Variants in ERO1A observed in about 807,000 individuals in gnomAD.
ERO1A encodes the protein endoplasmic reticulum oxidoreductase 1 alpha.
ERO1A carries 49 observed loss-of-function variants against 76.9 expected under a neutral mutation model. The ratio of observed to expected loss-of-function variants is 0.64; its 90% CI spans 0.51 to 0.81. The LOEUF (loss-of-function observed/expected upper bound fraction) is 0.81, where lower values mean the gene tolerates loss of function less well. Among genes scored for constraint, ERO1A ranks in the 30% least tolerant of loss-of-function variants. ERO1A has a pLI of 0.00. For missense variants in ERO1A, 448 were observed against 542.1 expected (o/e 0.83, Z 1.72); for synonymous variants, 174 against 181.2 (o/e 0.96, Z 0.32).
chr14:52,644,800 G>A (rs2039588842), intron 15 of ERO1A, among the ~76,000 whole-genome samples: 1 of 151,882 alleles, frequency 6.6e-6, no homozygotes. Flanking sequence ...TATTTTAAGT[G>A]CACTTAGCTC....
intron 1 of ERO1A, among the ~76,000 whole-genome samples, chr14:52,694,799 G>A (rs1489384200): frequency 6.6e-6 from 1 of 152,052 alleles, no homozygotes; most frequent in Non-Finnish European, 1.5e-5. Context: ...CATTACATTC[G>A]AGAAAAAGAG....
Position 52,657,960 on chromosome 14 carries a change from AT to A in ERO1A, c.764del (p.His255LeufsTer8). ...RAFYRLISGL[H>X]ASINVHLSAR... ...CACTCAAATGCACATTAATGCTTGC[AT>A]GTAGGCCAGATATAAGTCTGTAGAA... On this transcript the variant is annotated frameshift_variant, in exon 11 of 16. Coordinates refer to ENST00000395686, the MANE Select transcript of ERO1A (RefSeq NM_014584.3). LOFTEE classifies it high-confidence loss of function. The A allele has an allele frequency of 6.2e-7, 1 of 1,612,740 alleles. No homozygotes were observed.
At chr14:52,669,137 A>G (rs2040512718) in intron 6 of ERO1A, among the ~76,000 whole-genome samples, 1 of 152,166 alleles carries the variant, frequency 6.6e-6, no homozygotes, top group African/African-American at 2.4e-5. Context: ...TTCACGTACC[A>G]TTTACATCCA....
intron 15 of ERO1A, among the ~76,000 whole-genome samples, chr14:52,645,074 G>A (rs925759112): frequency 1.1e-4 from 16 of 151,978 alleles, no homozygotes; most frequent in African/African-American, 3.9e-4. Context: ...CATTTTGATA[G>A]GAAATAATTA....
chr14:52,680,192 A>G (rs914582297), intron 3 of ERO1A, among the ~76,000 whole-genome samples: 4 of 151,504 alleles, frequency 2.6e-5, no homozygotes, highest in African/African-American at 4.9e-5. Flanking sequence ...TCAATATTTC[A>G]GTGCAAATTG....
rs188752277 is a variant in ERO1A at position 52,659,817 on chromosome 14, G to A, written c.688+1476C>T. Among the ~76,000 whole-genome samples, 202 of 148,338 alleles carry A rather than the reference G, an allele frequency of 1.4e-3. 1 individual carries two copies. Among genetic ancestry groups the A allele is most frequent in the Non-Finnish European group, 1.8e-3 (124 of 67,316 alleles). ...TCAGTGTTTGTGTGTGTGTGTGTGTGTCTGTGTGTCCTTTTTAAAAAAAAA... is the reference window on the plus strand; with the variant it reads ...TCAGTGTTTGTGTGTGTGTGTGTGTATCTGTGTGTCCTTTTTAAAAAAAAA... On this transcript the variant is annotated intron_variant, in intron 9 of 15. Coordinates refer to ENST00000395686, the MANE Select transcript of ERO1A (RefSeq NM_014584.3).
intron 13 of ERO1A, among the ~76,000 whole-genome samples, chr14:52,651,470 T>A (rs1004977177): frequency 1.6e-5 from 2 of 122,212 alleles, no homozygotes; most frequent in Non-Finnish European, 3.7e-5. Context: ...ATCATCAATG[T>A]GAAAGGCATC....
chr14:52,694,296 A>G (rs577098732), intron 1 of ERO1A, among the ~76,000 whole-genome samples: 70 of 152,304 alleles, frequency 4.6e-4, no homozygotes, highest in African/African-American at 1.5e-3. Flanking sequence ...TCTCAGTTGT[A>G]AAGTAGCAAT....
intron 3 of ERO1A, among the ~76,000 whole-genome samples, chr14:52,681,936 T>C (rs911231303): frequency 3.3e-5 from 5 of 152,208 alleles, no homozygotes; most frequent in African/African-American, 4.8e-5. Context: ...ATCTCCCTAA[T>C]AAGTCAAAGG....
At chr14:52,685,842 A>G (rs376589039) in intron 1 of ERO1A, among the ~76,000 whole-genome samples, 25 of 152,334 alleles carry the variant, frequency 1.6e-4, no homozygotes, top group African/African-American at 6.0e-4. Flanking sequence ...TGTACCTCAC[A>G]GCAGTGAATT....
rs1566638696 is a variant in ERO1A, at chr14:52,661,276, T to C, written c.688+17A>G. On this transcript the variant is annotated intron_variant, in intron 9 of 15. Transcript: ENST00000395686. Reference sequence around the variant, plus strand: ...TAAACAAATTCATATATGTAATATATAATAAATTATACTTACCTTCACTTG... The same window carrying C: ...TAAACAAATTCATATATGTAATATACAATAAATTATACTTACCTTCACTTG... The C allele has an allele frequency of 9.1e-7, 1 of 1,102,792 alleles. No homozygotes were observed. The highest frequency in any genetic ancestry group is 2.7e-5 in the East Asian group (1 of 36,964). The allele number at this position is 1,102,792 out of a possible 1,614,324, so 68.3% of individuals were successfully genotyped here.
intron 3 of ERO1A, among the ~76,000 whole-genome samples, chr14:52,681,765 C>T (rs537932987): frequency 2.2e-4 from 33 of 152,000 alleles, no homozygotes; most frequent in Non-Finnish European, 4.6e-4. Flanking sequence ...GTTTTGTCCA[C>T]TCACACCCCA....
At chr14:52,663,741 T>A (rs1288929037) in intron 8 of ERO1A, 60 bp downstream of exon 8, 2 of 1,005,114 alleles carry the variant, frequency 2.0e-6, no homozygotes, top group Non-Finnish European at 3.1e-6. Flanking sequence ...GCCTTCCCCT[T>A]CCTTTGAATT....
chr14:52,679,878 T>C (rs1232324061), intron 3 of ERO1A, among the ~76,000 whole-genome samples: 1 of 151,900 alleles, frequency 6.6e-6, no homozygotes, highest in East Asian at 1.9e-4. Context: ...TGGTGAAACC[T>C]TGTCTCTACC....
Position 52,652,252 on chromosome 14 carries a change from GCTT to G in ERO1A, c.1109_1111del (p.Glu370del), listed in dbSNP as rs755898774. 7 of 1,601,888 alleles carry G rather than the reference GCTT, an allele frequency of 4.4e-6. No individual in the cohort carries two copies. In the African/African-American group the frequency reaches 5.4e-5, roughly 12 times the overall value. On this transcript the variant is annotated inframe_deletion, in exon 13 of 16. Coordinates refer to ENST00000395686, the MANE Select transcript of ERO1A (RefSeq NM_014584.3). ...TAAAGTAATTACCTTTAGTTTGTGT[GCTT>G]CTTTTTTATCCCCAGCAAAAAATGA...
At chr14:52,688,797 G>A (rs974556650) in intron 1 of ERO1A, among the ~76,000 whole-genome samples, 7 of 152,076 alleles carry the variant, frequency 4.6e-5, no homozygotes, top group South Asian at 2.1e-4. Flanking sequence ...AAATTACCAC[G>A]TACCGCTTGT....
At chr14:52,678,407 G>A (rs763943377) in intron 4 of ERO1A, 27 bp downstream of exon 4, 1 of 1,599,076 alleles carries the variant, frequency 6.3e-7, no homozygotes. Context: ...TAAGATACTG[G>A]ACACATCAAT....
intron 11 of ERO1A, among the ~76,000 whole-genome samples, chr14:52,657,574 C>T (rs554238540): frequency 2.4e-4 from 37 of 152,276 alleles, no homozygotes; most frequent in African/African-American, 7.2e-4. Context: ...AGGCCTGATA[C>T]GAGCACACAA....
intron 1 of ERO1A, among the ~76,000 whole-genome samples, chr14:52,685,709 A>T (rs1237804651): frequency 6.6e-6 from 1 of 152,170 alleles, no homozygotes; most frequent in East Asian, 1.9e-4. Context: ...TATATCTTCA[A>T]GCCTCAGCTC....
Sources: gnomAD v4.1 joint callset for allele counts (sites outside exome capture counted in the v4.1 genomes callset) on GRCh38, gnomAD v4.1.1 for gene constraint, MANE v1.5 for transcripts, NCBI Gene and HGNC (gene_info 2026-07-23, HGNC 2026-07-21) for gene names.